NRG1: variants seen among roughly 807,000 people sequenced by gnomAD.
NRG1 encodes the protein neuregulin 1.
Under a neutral mutation model 63.8 loss-of-function variants are expected in NRG1, and 18 were observed. That is an observed-to-expected ratio of 0.28 (90% CI 0.19 to 0.42). The LOEUF is 0.42. Among genes scored for constraint, NRG1 ranks in the 10% least tolerant of loss-of-function variants. NRG1 has a pLI of 1.00. For synonymous variants in NRG1, 302 were observed against 301.3 expected (o/e 1.00, Z -0.02); for missense variants, 762 against 814.7 (o/e 0.94, Z 0.79).
At chr8:31,889,841 A>G (rs924592924) in intron 1 of NRG1, among the ~76,000 whole-genome samples, 1 of 152,192 alleles carries the variant, frequency 6.6e-6, no homozygotes, top group Non-Finnish European at 1.5e-5. Flanking sequence ...TGCATGTTCC[A>G]TGCAAGAGCT....
At chr8:32,515,705 G>T (rs1829755091) in intron 1 of NRG1, among the ~76,000 whole-genome samples, 1 of 152,150 alleles carries the variant, frequency 6.6e-6, no homozygotes, top group Admixed American at 6.6e-5. Flanking sequence ...CTCCAGAAGT[G>T]TTGGGATTAC....
At chr8:31,925,371 A>C (rs1050174321) in intron 1 of NRG1, among the ~76,000 whole-genome samples, 1 of 151,850 alleles carries the variant, frequency 6.6e-6, no homozygotes, top group Non-Finnish European at 1.5e-5. Flanking sequence ...TTTGAAGCCT[A>C]ATTTGTTATT....
chr8:31,795,872 G>A (rs551641034), intron 1 of NRG1, among the ~76,000 whole-genome samples: 22 of 152,114 alleles, frequency 1.4e-4, no homozygotes, highest in Admixed American at 3.3e-4. Context: ...ATTCTACTTC[G>A]TGTGTGTTGT....
chr8:31,843,650 A>C (rs1274983625), intron 1 of NRG1, among the ~76,000 whole-genome samples: 1 of 152,052 alleles, frequency 6.6e-6, no homozygotes, highest in Admixed American at 6.6e-5. Flanking sequence ...TTTGCTAAGA[A>C]CCTGATTGTG....
intron 2 of NRG1, among the ~76,000 whole-genome samples, chr8:32,598,322 G>A (rs1309349717): frequency 1.3e-5 from 2 of 151,954 alleles, no homozygotes; most frequent in Non-Finnish European, 2.9e-5. Context: ...GATGCTACCT[G>A]GAGAGAAGCA....
chr8:32,339,340 T>G (rs769832381), intron 1 of NRG1, among the ~76,000 whole-genome samples: 2 of 152,106 alleles, frequency 1.3e-5, no homozygotes, highest in Non-Finnish European at 2.9e-5. Context: ...CCCCAAATAC[T>G]CACTTTGTCT....
intron 1 of NRG1, among the ~76,000 whole-genome samples, chr8:32,293,345 C>T (rs1404367056): frequency 6.6e-6 from 1 of 151,996 alleles, no homozygotes; most frequent in Non-Finnish European, 1.5e-5. Flanking sequence ...AAAAATGGAG[C>T]AGAAGGGGTT....
At chr8:32,210,408 C>G (rs1169951356) in intron 1 of NRG1, among the ~76,000 whole-genome samples, 1 of 152,116 alleles carries the variant, frequency 6.6e-6, no homozygotes, top group Non-Finnish European at 1.5e-5. Context: ...AAGCCAAACA[C>G]CTTAGTATGC....
intron 5 of NRG1, chr8:32,646,926 G>A (rs1853676142): frequency 1.0e-6 from 1 of 985,054 alleles, no homozygotes. Flanking sequence ...AGAGAGGAGA[G>A]AGGACGGGCT....
At chr8:32,405,194 T>C (rs1025809048) in intron 1 of NRG1, among the ~76,000 whole-genome samples, 1 of 152,198 alleles carries the variant, frequency 6.6e-6, no homozygotes, top group East Asian at 1.9e-4. Flanking sequence ...TTATGTGTTC[T>C]CTCTTCAAGG....
chr8:32,034,425 A>G (rs78855035), intron 1 of NRG1, among the ~76,000 whole-genome samples: 2,118 of 152,046 alleles, frequency 0.014, 21 homozygotes, highest in South Asian at 0.06. Context: ...TTTTGCTGTT[A>G]TCTCTTCCGG....
At chr8:32,268,056 G>A (rs1851167243) in intron 1 of NRG1, among the ~76,000 whole-genome samples, 2 of 152,222 alleles carry the variant, frequency 1.3e-5, no homozygotes, top group Middle Eastern at 3.4e-3. Context: ...TGTCTTGCTA[G>A]AGTCTTTTAC....
At chr8:32,287,529 G>A (rs1261288540) in intron 1 of NRG1, 3 of 152,168 alleles carry the variant, frequency 2.0e-5, no homozygotes. Context: ...GTTCTCCAAA[G>A]GGACTAAGTT....
chr8:32,002,087 G>C (rs999677961), intron 1 of NRG1, among the ~76,000 whole-genome samples: 4 of 152,064 alleles, frequency 2.6e-5, no homozygotes, highest in East Asian at 2.0e-4. Flanking sequence ...GCAGTAGCAC[G>C]ATCTCAGCTC....
chr8:31,987,308 A>AC (rs1388647732), intron 1 of NRG1, among the ~76,000 whole-genome samples: 2 of 132,580 alleles, frequency 1.5e-5, no homozygotes, highest in African/African-American at 6.2e-5. Flanking sequence ...AAAAAAAAAA[A>AC]AAAACATATA....
chr8:31,722,690 A>G (rs903600322), intron 1 of NRG1, among the ~76,000 whole-genome samples: 1 of 152,156 alleles, frequency 6.6e-6, no homozygotes, highest in Admixed American at 6.6e-5. Flanking sequence ...TGTTGACTCT[A>G]TATTCAGACA....
intron 1 of NRG1, among the ~76,000 whole-genome samples, chr8:32,040,634 T>C (rs1819795560): frequency 6.8e-6 from 1 of 147,956 alleles, no homozygotes; most frequent in Non-Finnish European, 1.5e-5. Context: ...TACACGTATG[T>C]ATGTATATAT....
At chr8:32,158,962 G>A (rs1029910595) in intron 1 of NRG1, among the ~76,000 whole-genome samples, 1 of 152,134 alleles carries the variant, frequency 6.6e-6, no homozygotes, top group Non-Finnish European at 1.5e-5. Flanking sequence ...GAGTCTGTCT[G>A]GCAGGGGTCA....
chr8:31,843,008 T>C (rs1826337191), intron 1 of NRG1, among the ~76,000 whole-genome samples: 1 of 152,284 alleles, frequency 6.6e-6, no homozygotes, highest in South Asian at 2.1e-4. Context: ...CTATAAATTA[T>C]GCGTATTAAC....
Sources: allele counts gnomAD v4.1 joint callset (sites outside exome capture counted in the v4.1 genomes callset), GRCh38; gene constraint gnomAD v4.1.1; transcripts MANE v1.5; gene names NCBI Gene and HGNC (gene_info 2026-07-23, HGNC 2026-07-21).